The following SUMF1 variants were observed in gnomAD, a reference collection of about 807,000 sequenced individuals.
The protein encoded by SUMF1 is sulfatase modifying factor 1, also known as formylglycine-generating enzyme.
SUMF1 carries 48 observed loss-of-function variants against 47.6 expected under a neutral mutation model. The ratio of observed to expected loss-of-function variants is 1.01; its 90% CI spans 0.80 to 1.28. The LOEUF is 1.28. Ranked by LOEUF, SUMF1 falls within the 50% of genes most tolerant of loss-of-function variation. SUMF1 has a pLI of 0.00. For missense variants in SUMF1, 571 were observed against 485.4 expected, an observed-to-expected ratio of 1.18 and a Z score of -1.66; for synonymous variants, 230 against 192.1, an observed-to-expected ratio of 1.20 and a Z score of -1.63.
At chr3:4,453,725 G>C (rs1429134970) in intron 1 of SUMF1, among the ~76,000 whole-genome samples, 1 of 151,954 alleles carries the variant, frequency 6.6e-6, no homozygotes, top group African/African-American at 2.4e-5. Context: ...GCAGAGACAG[G>C]TTTTCACCAA....
At chr3:4,420,040 T>C (rs1575200421) in intron 4 of SUMF1, 24 bp downstream of exon 4, 2 of 1,608,750 alleles carry the variant, frequency 1.2e-6, no homozygotes, top group Non-Finnish European at 1.7e-6. Context: ...ACTTGTCAAC[T>C]GGGGAAAGAG....
chr3:4,165,936 C>T (rs1260905137), intron 8 of SUMF1, among the ~76,000 whole-genome samples: 1 of 147,144 alleles, frequency 6.8e-6, no homozygotes, highest in African/African-American at 2.5e-5. Flanking sequence ...CTCACTGATG[C>T]AGTAGCAGAT....
At chr3:4,388,647 T>C (rs940182280) in intron 7 of SUMF1, among the ~76,000 whole-genome samples, 3 of 152,130 alleles carry the variant, frequency 2.0e-5, no homozygotes, top group Non-Finnish European at 4.4e-5. Flanking sequence ...TGTTTTCCTT[T>C]TTCTGACTTC....
intron 7 of SUMF1, among the ~76,000 whole-genome samples, chr3:4,393,284 T>C (rs907018919): frequency 2.0e-5 from 3 of 152,132 alleles, no homozygotes; most frequent in African/African-American, 7.2e-5. Flanking sequence ...AAGTCAATCT[T>C]TGGCTGTAAG....
intron 8 of SUMF1, among the ~76,000 whole-genome samples, chr3:4,246,250 C>A (rs1490517087): frequency 1.3e-5 from 2 of 151,816 alleles, no homozygotes; most frequent in Non-Finnish European, 3.0e-5. Context: ...CTTCTGCTCA[C>A]CCTCCGTGGG....
At chr3:4,403,993 C>T (rs952117818) in intron 7 of SUMF1, among the ~76,000 whole-genome samples, 3 of 152,138 alleles carry the variant, frequency 2.0e-5, no homozygotes, top group Non-Finnish European at 2.9e-5. Flanking sequence ...TGGAAACAAA[C>T]GGTATTTCTA....
intron 6 of SUMF1, among the ~76,000 whole-genome samples, chr3:4,412,945 AC>A (rs1701591894): frequency 6.6e-6 from 1 of 152,138 alleles, no homozygotes; most frequent in Non-Finnish European, 1.5e-5. Context: ...CATTTTCCAG[AC>A]TTATAGAGCA....
At chr3:4,137,984 T>C (rs1693984270) in intron 8 of SUMF1, among the ~76,000 whole-genome samples, 1 of 151,968 alleles carries the variant, frequency 6.6e-6, no homozygotes, top group Non-Finnish European at 1.5e-5. Context: ...ACAAATTCAA[T>C]ATGCAAGATT....
chr3:4,054,412 C>CA (rs1695159712), intron 9 of SUMF1, among the ~76,000 whole-genome samples: 1 of 152,102 alleles, frequency 6.6e-6, no homozygotes, highest in Non-Finnish European at 1.5e-5. Context: ...CTGACAACAG[C>CA]AAAAAAGCTA....
chr3:4,375,040 A>G (rs1315948744), intron 8 of SUMF1, among the ~76,000 whole-genome samples: 7 of 144,302 alleles, frequency 4.9e-5, no homozygotes, highest in Non-Finnish European at 1.1e-4. Context: ...GGAGGCTGAG[A>G]TGGGAGGATC....
intron 8 of SUMF1, among the ~76,000 whole-genome samples, chr3:4,233,578 A>G (rs2124986115): frequency 6.6e-6 from 1 of 152,250 alleles, no homozygotes; most frequent in Admixed American, 6.5e-5. Flanking sequence ...CTGACAGAAC[A>G]GACAACCAAT....
At chr3:4,350,521 A>G (rs1482303599) in intron 8 of SUMF1, among the ~76,000 whole-genome samples, 2 of 152,186 alleles carry the variant, frequency 1.3e-5, no homozygotes, top group Admixed American at 6.5e-5. Context: ...GAAGACCAGA[A>G]ACTCACAGAA....
rs181359001 is a variant in SUMF1 at position 4,116,996 on chromosome 3, A to G, written c.1015-48251T>C. On this transcript the variant is annotated intron_variant and NMD_transcript_variant, in intron 8 of 12. Coordinates refer to the SUMF1 transcript ENST00000448413. ...AGGTGAACAAAACAAAGCTCTACTT[A>G]TAGTTATACATGGAAAAATCTACAG... 5.3e-5 allele frequency among the ~76,000 whole-genome samples: 8 copies of G among 150,474 alleles called. No homozygotes were observed. The East Asian group carries it at 1.6e-3, about 30-fold the overall frequency.
At chr3:4,139,704 T>C (rs759670966) in intron 8 of SUMF1, among the ~76,000 whole-genome samples, 7 of 151,680 alleles carry the variant, frequency 4.6e-5, no homozygotes, top group Admixed American at 6.6e-5. Context: ...TGGCAAACAA[T>C]TGCATAGTAA....
chr3:4,397,188 G>C (rs1289914264), intron 7 of SUMF1, among the ~76,000 whole-genome samples: 1 of 152,230 alleles, frequency 6.6e-6, no homozygotes, highest in Non-Finnish European at 1.5e-5. Context: ...CTAAATTATA[G>C]AGAAATCCGT....
chr3:4,396,292 T>C (rs1372104189), intron 7 of SUMF1, among the ~76,000 whole-genome samples: 1 of 152,218 alleles, frequency 6.6e-6, no homozygotes, highest in Admixed American at 6.5e-5. Flanking sequence ...AATAAATCAT[T>C]CGACTATTCT....
rs137953921 is a variant in SUMF1, at chr3:4,080,201, C to T, written c.1015-11456G>A. Reference sequence around the variant, plus strand: ...CCAGTATTCCTTGCACAAATGCACACGTACATTCCATTTGCTTTGATCTCA... The same window carrying T: ...CCAGTATTCCTTGCACAAATGCACATGTACATTCCATTTGCTTTGATCTCA... On this transcript the variant is annotated intron_variant and NMD_transcript_variant, in intron 8 of 12. Coordinates refer to the SUMF1 transcript ENST00000448413. Among the ~76,000 whole-genome samples the T allele has an allele frequency of 7.6e-4, 115 of 152,236 alleles. No individual in the cohort carries two copies. In the East Asian group the frequency reaches 0.017, roughly 22 times the overall value.
At chr3:4,231,420 C>A (rs1696296991) in intron 8 of SUMF1, among the ~76,000 whole-genome samples, 1 of 152,130 alleles carries the variant, frequency 6.6e-6, no homozygotes, top group Non-Finnish European at 1.5e-5. Flanking sequence ...TCAAATAACA[C>A]CACACTTCAA....
At chr3:4,187,442 T>G (rs1266788801) in intron 8 of SUMF1, among the ~76,000 whole-genome samples, 1 of 152,222 alleles carries the variant, frequency 6.6e-6, no homozygotes, top group African/African-American at 2.4e-5. Flanking sequence ...TGATTTTTTT[T>G]TTCCTTCAGA....
Sources: allele counts gnomAD v4.1 joint callset (sites outside exome capture counted in the v4.1 genomes callset), GRCh38; gene constraint gnomAD v4.1.1; transcripts MANE v1.5; gene names NCBI Gene and HGNC (gene_info 2026-07-23, HGNC 2026-07-21).